Variants in CMYA5 observed in about 807,000 individuals in gnomAD.
The protein encoded by CMYA5 is cardiomyopathy associated 5, also known as cardiomyopathy-associated protein 5.
A neutral mutation model predicts 318.9 loss-of-function variants in CMYA5; 246 were observed. That is an observed-to-expected ratio of 0.77 (90% CI 0.70 to 0.86). The LOEUF (loss-of-function observed/expected upper bound fraction) is 0.86. Ranked by LOEUF, CMYA5 falls within the 40% of genes least tolerant of loss-of-function variation. CMYA5 has a pLI of 0.00. For missense variants in CMYA5, 4,589 were observed against 4,678.2 expected (o/e 0.98, Z 0.56); for synonymous variants, 1,641 against 1,729.5 (o/e 0.95, Z 1.27).
At chr5:79,793,400 C>T (rs765538583) in intron 11 of CMYA5, 37 bp from the exon 12 acceptor site, 3 of 1,580,828 alleles carry the variant, frequency 1.9e-6, no homozygotes, top group Non-Finnish European at 1.7e-6. Context: ...GCCGGCGATT[C>T]CTGCACTGAG....
rs768335707 is a variant in CMYA5 at position 79,734,174 on chromosome 5, C to T, written c.5409C>T (p.Leu1803=). The change falls in exon 2 of 13, where the codon CTC becomes CTT. Residue 1803 remains leucine (L), a synonymous_variant. Transcript: ENST00000446378. ...GCCACCCAAATTCATCCCAGGTACT[C>T]CAGAGTATAACAGAACCATCAAAGA... is the stretch of plus-strand genomic sequence containing the variant. ...ETGHPNSSQV[L]QSITEPSKIA... The T allele has an allele frequency of 5.6e-6, 9 of 1,613,640 alleles. No individual in the cohort carries two copies. Among genetic ancestry groups the T allele is most frequent in the South Asian group, 5.5e-5 (5 of 91,070 alleles).
rs772067072 is a variant in CMYA5 at position 79,737,564 on chromosome 5, A to G, written c.8799A>G (p.Pro2933=). The G allele has an allele frequency of 6.2e-7, 1 of 1,613,730 alleles. No homozygotes were observed. The highest frequency in any genetic ancestry group is 1.1e-5 in the South Asian group (1 of 91,028). Residue 2933 remains proline (P), a synonymous_variant, in exon 2 of 13, where the codon CCA becomes CCG. Coordinates refer to ENST00000446378, the MANE Select transcript of CMYA5 (RefSeq NM_153610.5). ...AAGACTTTACAGTGACTAGTAAGCC[A>G]GCCGGACTTTCAGAAGATCAGAAGA... The part of the protein sequence containing the change: ...KGEDFTVTSK[P]AGLSEDQKTA...
chr5:79,792,143 A>G (rs1357775578), intron 11 of CMYA5, among the ~76,000 whole-genome samples: 5 of 152,096 alleles, frequency 3.3e-5, no homozygotes, highest in Non-Finnish European at 2.9e-5. Flanking sequence ...GCTTCTCTGG[A>G]CCCTGGCACC....
At chr5:79,692,074 G>A (rs554701492) in intron 1 of CMYA5, among the ~76,000 whole-genome samples, 183 of 152,344 alleles carry the variant, frequency 1.2e-3, no homozygotes, top group African/African-American at 4.1e-3. Context: ...TGCAGATGAA[G>A]CCTCCAGGTA....
chr5:79,721,741 C>T (rs1052084386), intron 1 of CMYA5, among the ~76,000 whole-genome samples: 8 of 152,102 alleles, frequency 5.3e-5, no homozygotes, highest in African/African-American at 9.7e-5. Flanking sequence ...ATAAAAGGGA[C>T]ATTTCACTAT....
intron 2 of CMYA5, among the ~76,000 whole-genome samples, chr5:79,743,615 T>A (rs565981504): frequency 6.6e-6 from 1 of 152,206 alleles, no homozygotes; most frequent in African/African-American, 2.4e-5. Context: ...TGTAGTTGTT[T>A]TGAGGTTTTC....
At position 79,731,339 on chromosome 5, in the gene CMYA5, A is replaced by T. The variant is rs904646732; in HGVS notation, c.2574A>T (p.Pro858=). Residue 858 remains proline (P), a synonymous_variant, in exon 2 of 13, where the codon CCA becomes CCT. Transcript: ENST00000446378. ...LVVASEHSFP[P]HTTEMTSECQ... ...TTGCATCTGAACACTCTTTCCCACC[A>T]CACACAACCGAGATGACTTCTGAAT... The T allele has an allele frequency of 6.2e-7, 1 of 1,613,916 alleles. No homozygotes were observed. The highest frequency in any genetic ancestry group is 8.5e-7 in the Non-Finnish European group (1 of 1,179,872).
rs531715502 is a variant in CMYA5 at position 79,755,148 on chromosome 5, T to G, written c.11110+2354T>G. 5.3e-5 allele frequency among the ~76,000 whole-genome samples: 8 copies of G among 152,314 alleles called. No homozygotes were observed. The South Asian group carries it at 1.2e-3, about 24-fold the overall frequency. ...TCTGGTCACAGATTCCAAAGTCCAG[T>G]TTGGTTAATGCTTAACTCCCCCAGT... On this transcript the variant is annotated intron_variant, in intron 6 of 12. Transcript: ENST00000446378.
Position 79,689,878 on chromosome 5 carries a change from TCCGGCC to T in CMYA5, c.-22_-17del, listed in dbSNP as rs199864203. Reference sequence around the variant, plus strand: ...CAGGCGCGGCGCGGGCGGCTCCGGCTCCGGCCCCGGCCCAGGCCCGGGAGAGGCGAT... The same window carrying T: ...CAGGCGCGGCGCGGGCGGCTCCGGCTCCGGCCCAGGCCCGGGAGAGGCGAT... On this transcript the variant is annotated 5_prime_UTR_variant, in exon 1 of 13. Coordinates refer to ENST00000446378, the MANE Select transcript of CMYA5 (RefSeq NM_153610.5). 2.9e-6 allele frequency: 2 copies of T among 697,582 alleles called. No homozygotes were observed. Among genetic ancestry groups the T allele is most frequent in the Non-Finnish European group, 5.1e-6 (2 of 392,416 alleles). The allele number at this position is 697,582 out of a possible 1,614,324, so 43.2% of individuals were successfully genotyped here. A position where few individuals can be genotyped will look rare whatever the true frequency, so the allele number is the denominator to read the frequency against.
intron 1 of CMYA5, among the ~76,000 whole-genome samples, chr5:79,718,741 A>G (rs1285687554): frequency 6.6e-6 from 1 of 152,204 alleles, no homozygotes; most frequent in Non-Finnish European, 1.5e-5. Flanking sequence ...ATTTTGGTTA[A>G]TGACAGACTG....
intron 1 of CMYA5, among the ~76,000 whole-genome samples, chr5:79,710,703 T>A (rs1380582352): frequency 6.6e-6 from 1 of 152,136 alleles, no homozygotes; most frequent in Non-Finnish European, 1.5e-5. Flanking sequence ...ATTAGAAAAA[T>A]TTTTTATTTT....
In CMYA5 at chr5:79,789,198, T is replaced by G. The variant is rs1360449828; in HGVS notation, c.11689+94T>G. The stretch of plus-strand genomic sequence containing the variant: ...TGTCCTAGAGGGCAACTTTATAAAC[T>G]CCCAACCTACTGTCAGTGGTAGGTT... On this transcript the variant is annotated intron_variant, in intron 10 of 12. Transcript: ENST00000446378. 9 of 1,393,962 alleles carry G rather than the reference T, an allele frequency of 6.5e-6. No individual in the cohort carries two copies. In the East Asian group the frequency reaches 1.9e-4, roughly 29 times the overall value. The allele number at this position is 1,393,962 out of a possible 1,614,324, so 86.3% of individuals were successfully genotyped here.
chr5:79,727,440 C>T (rs923292549), intron 1 of CMYA5, among the ~76,000 whole-genome samples: 3 of 152,012 alleles, frequency 2.0e-5, no homozygotes, highest in South Asian at 2.1e-4. Flanking sequence ...AAACAGTTTA[C>T]GAAGGGACAT....
At position 79,768,024 on chromosome 5, in the gene CMYA5, T is replaced by C. The variant is rs546989292; in HGVS notation, c.11555+4815T>C. 1.6e-4 allele frequency among the ~76,000 whole-genome samples: 25 copies of C among 152,344 alleles called. No homozygotes were observed. In the East Asian group the frequency reaches 4.8e-3, roughly 29 times the overall value. ...TATATTTAGGATAGTTAGCTCTTCT[T>C]GTTATGTTGATCCCTTTGCCATTAT... On this transcript the variant is annotated intron_variant, in intron 9 of 12. Coordinates refer to ENST00000446378, the MANE Select transcript of CMYA5 (RefSeq NM_153610.5).
intron 9 of CMYA5, among the ~76,000 whole-genome samples, chr5:79,778,844 T>TGTGTGTGTGTGTGTG (rs1828996828): frequency 8.2e-6 from 1 of 122,372 alleles, no homozygotes; most frequent in African/African-American, 3.5e-5. Flanking sequence ...TGTATGTTTA[T>TGTGTGTGTGTGTGTG]TCACTCATGT....
At chr5:79,745,869 C>G (rs886189192) in intron 4 of CMYA5, among the ~76,000 whole-genome samples, 1 of 152,232 alleles carries the variant, frequency 6.6e-6, no homozygotes, top group Admixed American at 6.5e-5. Context: ...GGCTGTTCCC[C>G]CTCTGAGCCT....
Position 79,733,569 on chromosome 5 carries a change from G to C in CMYA5, c.4804G>C (p.Ala1602Pro). ...ACCGGCAGTGGAGGTATCTTCTACA[G>C]CTCAGGGAGACTTCCCATCAGAAAA... is the stretch of plus-strand genomic sequence containing the variant. ...NKPAVEVSSTAQGDFPSEKQD... is the reference protein window; with the variant it reads ...NKPAVEVSSTPQGDFPSEKQD... The change falls in exon 2 of 13, where the codon GCT becomes CCT. Residue 1602 changes from alanine to proline, a missense_variant. Ala to Pro is a conservative substitution (Grantham distance 27). This residue lies in a region of CMYA5 where 2,132 missense variants were observed against 2,131.3 expected (regional missense o/e 1.00). Transcript: ENST00000446378. The C allele has an allele frequency of 2.5e-6, 4 of 1,613,864 alleles. No individual in the cohort carries two copies. Among genetic ancestry groups the C allele is most frequent in the Non-Finnish European group, 3.4e-6 (4 of 1,179,822 alleles).
chr5:79,777,844 G>A lies in CMYA5; in HGVS notation c.11556-11127G>A, dbSNP rs146098407. ...TTGTTTTAAGAATATAATTTAGGCC[G>A]GGCACAGTGGCTCACGCCTGTAATT... On this transcript the variant is annotated intron_variant, in intron 9 of 12. Coordinates refer to ENST00000446378, the MANE Select transcript of CMYA5 (RefSeq NM_153610.5). Among the ~76,000 whole-genome samples the A allele has an allele frequency of 1.7e-3, 261 of 151,426 alleles. 1 individual carries two copies. The highest frequency in any genetic ancestry group is 6.0e-3 in the African/African-American group (247 of 41,246).
rs1321035494 is a variant in CMYA5, at chr5:79,732,262, C to A, written c.3497C>A (p.Pro1166His). Reference protein sequence around the residue: ...QSSIVKEETKPASPHSVLPDS... With the variant: ...QSSIVKEETKHASPHSVLPDS... ...TCTATAGTAAAGGAAGAAACCAAACCTGCATCTCCACATTCAGTTTTACCT... is the reference window on the plus strand; with the variant it reads ...TCTATAGTAAAGGAAGAAACCAAACATGCATCTCCACATTCAGTTTTACCT... The change falls in exon 2 of 13, where the codon CCT (proline) becomes CAT (histidine). Residue 1166 changes from proline to histidine, a missense_variant. Coordinates refer to ENST00000446378, the MANE Select transcript of CMYA5 (RefSeq NM_153610.5). The A allele has an allele frequency of 6.2e-7, 1 of 1,613,904 alleles. No individual in the cohort carries two copies. Among genetic ancestry groups the A allele is most frequent in the Non-Finnish European group, 8.5e-7 (1 of 1,179,864 alleles).
Sources: gnomAD v4.1 joint callset for allele counts (sites outside exome capture counted in the v4.1 genomes callset) on GRCh38, gnomAD v4.1.1 for gene constraint, gnomAD v4.1.1 regional missense constraint, MANE v1.5 for transcripts, NCBI Gene and HGNC (gene_info 2026-07-23, HGNC 2026-07-21) for gene names.